Variants in KMO observed in about 807,000 individuals in gnomAD.
KMO encodes kynurenine 3-hydroxylase.
A neutral mutation model predicts 57.8 loss-of-function variants in KMO; 24 were observed. That is an observed-to-expected ratio of 0.42 (90% confidence interval 0.30 to 0.58). The LOEUF is 0.58. Ranked by LOEUF, KMO falls within the 20% of genes least tolerant of loss-of-function variation. The pLI, the probability that KMO is intolerant of heterozygous loss-of-function variation, is 0.22. For synonymous variants in KMO, 210 were observed against 193.6 expected, an observed-to-expected ratio of 1.08 and a Z score of -0.70; for missense variants, 483 against 588.2, an observed-to-expected ratio of 0.82 and a Z score of 1.85.
intron 1 of KMO, among the ~76,000 whole-genome samples, chr1:241,543,254 C>T (rs1661019884): frequency 6.6e-6 from 1 of 152,126 alleles, no homozygotes; most frequent in South Asian, 2.1e-4. Context: ...TTGTCACTCC[C>T]TTGCCTCTTT....
intron 4 of KMO, among the ~76,000 whole-genome samples, chr1:241,555,121 A>G (rs1159696733): frequency 6.6e-6 from 1 of 152,110 alleles, no homozygotes; most frequent in Non-Finnish European, 1.5e-5. Context: ...ATTCCTATCA[A>G]TCTTCATCCC....
chr1:241,549,488 T>TA (rs373760527), intron 2 of KMO, among the ~76,000 whole-genome samples, 189 bp from the exon 3 acceptor site: 12 of 151,588 alleles, frequency 7.9e-5, no homozygotes, highest in South Asian at 2.1e-4. Context: ...TAGTTTTGTT[T>TA]AAAAAAAAAC....
At chr1:241,554,860 T>C (rs973931571) in intron 4 of KMO, among the ~76,000 whole-genome samples, 2 of 150,294 alleles carry the variant, frequency 1.3e-5, no homozygotes, top group African/African-American at 4.9e-5. Context: ...CAGGCACCTG[T>C]AATCCCAGCT....
At chr1:241,536,546 A>T in intron 1 of KMO, 1 of 983,908 alleles carries the variant, frequency 1.0e-6, no homozygotes, top group Non-Finnish European at 1.2e-6. Flanking sequence ...CCATTTTTTG[A>T]CTGAAGCCAA....
chr1:241,590,291 T>G (rs768682673), intron 14 of KMO, 28 bp downstream of exon 14: 4 of 1,535,088 alleles, frequency 2.6e-6, no homozygotes, highest in Non-Finnish European at 3.6e-6. Context: ...TTATTTATTT[T>G]TTAATGTGGT....
chr1:241,554,267 C>A (rs1314545243), intron 4 of KMO, among the ~76,000 whole-genome samples: 1 of 148,798 alleles, frequency 6.7e-6, no homozygotes, highest in Admixed American at 6.7e-5. Flanking sequence ...TCCTTCCTTC[C>A]TTCCTTCCTT....
At chr1:241,591,742 G>A (rs1663309530) in intron 14 of KMO, among the ~76,000 whole-genome samples, 1 of 152,174 alleles carries the variant, frequency 6.6e-6, no homozygotes, top group Non-Finnish European at 1.5e-5. Flanking sequence ...GGATTCATGA[G>A]TTTCCTGGGA....
Position 241,594,492 on chromosome 1 carries a change from GAC to G in KMO, c.*2341_*2342del. On this transcript the variant is annotated 3_prime_UTR_variant, in exon 15 of 15. Coordinates refer to ENST00000366559, the MANE Select transcript of KMO (RefSeq NM_003679.5). The stretch of plus-strand genomic sequence containing the variant: ...ATTGGTTTTGTCGCTGTCGTCAACT[GAC>G]AGTGATTCATCACTGGTGATGATAA... The G allele has an allele frequency of 6.2e-7, 1 of 1,614,058 alleles. No homozygotes were observed. Among genetic ancestry groups the G allele is most frequent in the South Asian group, 1.1e-5 (1 of 91,082 alleles).
At position 241,594,553 on chromosome 1, in the gene KMO, T is replaced by G. The variant is rs768325818; in HGVS notation, c.*2400T>G. On this transcript the variant is annotated 3_prime_UTR_variant, in exon 15 of 15. Transcript: ENST00000366559. ...GAAGAAGAGTTGAAAGTCACTTTTTTCTTTGGCCTGTCCCCATCTTTCTGT... is the reference window on the plus strand; with the variant it reads ...GAAGAAGAGTTGAAAGTCACTTTTTGCTTTGGCCTGTCCCCATCTTTCTGT... The G allele has an allele frequency of 6.2e-6, 10 of 1,614,140 alleles. No individual in the cohort carries two copies. The highest frequency in any genetic ancestry group is 8.5e-6 in the Non-Finnish European group (10 of 1,179,984).
chr1:241,537,134 T>G (rs1350571620), intron 1 of KMO, among the ~76,000 whole-genome samples: 2 of 152,188 alleles, frequency 1.3e-5, no homozygotes. Context: ...TCAGGAAATC[T>G]TACCCTATGG....
Position 241,591,992 on chromosome 1 carries a change from G to A in KMO, c.1300G>A (p.Ala434Thr). The A allele has an allele frequency of 6.2e-7, 1 of 1,613,984 alleles. No individual in the cohort carries two copies. Among genetic ancestry groups the A allele is most frequent in the Non-Finnish European group, 8.5e-7 (1 of 1,179,902 alleles). ...KGLFFLGSLI[A>T]ISSTYLLIHY... The stretch of plus-strand genomic sequence containing the variant: ...ACTCTTTTTCTTGGGATCACTGATA[G>A]CCATCAGCAGTACCTACCTACTTAT... The change falls in exon 15 of 15, where the codon GCC becomes ACC. Residue 434 changes from alanine (A) to threonine (T), a missense_variant. Transcript: ENST00000366559.
At chr1:241,556,837 C>T (rs551008438) in intron 5 of KMO, among the ~76,000 whole-genome samples, 18 of 151,830 alleles carry the variant, frequency 1.2e-4, no homozygotes, top group Non-Finnish European at 1.8e-4. Context: ...TGCAGTGAGC[C>T]GAGATCATGC....
rs373298893 is a variant in KMO, at chr1:241,568,480, C to T, written c.810-20C>T. 7.3e-5 allele frequency: 117 copies of T among 1,610,290 alleles called. No individual in the cohort carries two copies. Among genetic ancestry groups the T allele is most frequent in the Admixed American group, 5.0e-5 (3 of 59,882 alleles). ...ATACCTAATTTGATGTCTTTATATT[C>T]GGATTATTTTCCTTTGAAGGAAACT... is the stretch of plus-strand genomic sequence containing the variant. On this transcript the variant is annotated intron_variant, in intron 9 of 14. Coordinates refer to ENST00000366559, the MANE Select transcript of KMO (RefSeq NM_003679.5).
intron 11 of KMO, 95 bp downstream of exon 11, chr1:241,586,831 T>C: frequency 2.4e-6 from 2 of 828,146 alleles, no homozygotes; most frequent in Non-Finnish European, 4.0e-6. Context: ...ACCTGTGATG[T>C]ATAATGTATA....
chr1:241,558,200 G>A (rs1374521250), intron 5 of KMO, among the ~76,000 whole-genome samples: 1 of 152,122 alleles, frequency 6.6e-6, no homozygotes, highest in Non-Finnish European at 1.5e-5. Context: ...CTAATACTAA[G>A]GAACTTAAAA....
chr1:241,560,790 G>A (rs1411467363), intron 6 of KMO, 38 bp downstream of exon 6: 2 of 1,341,514 alleles, frequency 1.5e-6, no homozygotes, highest in Admixed American at 3.4e-5. Context: ...AGAGGTGAAA[G>A]CTGGGAGTGG....
At chr1:241,536,007 A>T (rs868249417) in intron 1 of KMO, among the ~76,000 whole-genome samples, 1 of 152,194 alleles carries the variant, frequency 6.6e-6, no homozygotes, top group South Asian at 2.1e-4. Flanking sequence ...AAGGTTTCCC[A>T]GTGCCTTATA....
intron 1 of KMO, among the ~76,000 whole-genome samples, chr1:241,535,363 G>A (rs918530485): frequency 6.6e-6 from 1 of 151,712 alleles, no homozygotes; most frequent in African/African-American, 2.4e-5. Context: ...AAAAAAAAAT[G>A]AGAGTTGAGA....
At chr1:241,576,264 A>G (rs1662515545) in intron 10 of KMO, among the ~76,000 whole-genome samples, 2 of 151,976 alleles carry the variant, frequency 1.3e-5, no homozygotes. Context: ...TACGTTCAGC[A>G]TTAGTATTGA....
Sources: gnomAD v4.1 joint callset for allele counts (sites outside exome capture counted in the v4.1 genomes callset) on GRCh38, gnomAD v4.1.1 for gene constraint, MANE v1.5 for transcripts, NCBI Gene and HGNC (gene_info 2026-07-23, HGNC 2026-07-21) for gene names.